The following YWHAE variants were observed in gnomAD, a reference collection of about 807,000 sequenced individuals.
YWHAE encodes 14-3-3 protein epsilon.
Under a neutral mutation model 30.1 loss-of-function variants are expected in YWHAE, and 4 were observed. The observed-to-expected ratio is 0.13, with a 90% confidence interval of 0.07 to 0.30. The LOEUF is 0.30. Among genes scored for constraint, YWHAE ranks in the 10% least tolerant of loss-of-function variants. The pLI is 1.00. For missense variants in YWHAE, 121 were observed against 315.9 expected (o/e 0.38, Z 4.68); for synonymous variants, 118 against 111.8 (o/e 1.06, Z -0.35).
At chr17:1,354,942 G>A (rs373527931) in intron 4 of YWHAE, among the ~76,000 whole-genome samples, 10 of 140,014 alleles carry the variant, frequency 7.1e-5, no homozygotes, top group East Asian at 2.2e-4. Context: ...GATTACAGGC[G>A]TGAGCCACCG....
Position 1,362,012 on chromosome 17 carries a change from A to C in YWHAE, c.265-4T>G. On this transcript the variant is annotated splice_region_variant and splice_polypyrimidine_tract_variant and intron_variant, in intron 2 of 5. Coordinates refer to ENST00000264335, the MANE Select transcript of YWHAE (RefSeq NM_006761.5). ...TTAACTTTAGCTCAGTCTCAACCTA[A>C]AAAAAAAAAAATTTTTTTTAAATCA... 1 of 1,469,540 alleles carries C rather than the reference A, an allele frequency of 6.8e-7. No individual in the cohort carries two copies. The highest frequency in any genetic ancestry group is 9.1e-7 in the Non-Finnish European group (1 of 1,098,830). 91.0% of individuals were successfully genotyped at this position (1,469,540 alleles called of 1,614,324 possible).
At chr17:1,354,942 G>C (rs373527931) in intron 4 of YWHAE, among the ~76,000 whole-genome samples, 1 of 139,978 alleles carries the variant, frequency 7.1e-6, no homozygotes, top group African/African-American at 2.6e-5. Flanking sequence ...GATTACAGGC[G>C]TGAGCCACCG....
At position 1,362,141 on chromosome 17, in the gene YWHAE, C is replaced by T. The variant is rs1476227342; in HGVS notation, c.265-133G>A. The T allele has an allele frequency of 5.4e-6, 3 of 554,202 alleles. No homozygotes were observed. The African/African-American group carries it at 5.8e-5, about 11-fold the overall frequency. The allele number at this position is 554,202 out of a possible 1,614,324, so 34.3% of individuals were successfully genotyped here. On this transcript the variant is annotated intron_variant, in intron 2 of 5. Transcript: ENST00000264335. ...TTTGTATCCCTCTCCAAACTCCCTTCTTCCTTCTTGACACAAAAGCAGAGA... is the reference window on the plus strand; with the variant it reads ...TTTGTATCCCTCTCCAAACTCCCTTTTTCCTTCTTGACACAAAAGCAGAGA...
chr17:1,384,620 T>C (rs2073272683), intron 1 of YWHAE, among the ~76,000 whole-genome samples: 1 of 152,062 alleles, frequency 6.6e-6, no homozygotes, highest in South Asian at 2.1e-4. Flanking sequence ...GTGTATTTTG[T>C]ATTTTGAGGG....
At chr17:1,370,609 T>G (rs74776107) in intron 1 of YWHAE, among the ~76,000 whole-genome samples, 13,422 of 152,120 alleles carry the variant, frequency 0.088, 940 homozygotes, top group Admixed American at 0.23. Flanking sequence ...TTTTCTATTT[T>G]TAGTAGAGAC....
intron 2 of YWHAE, 122 bp downstream of exon 2, chr17:1,364,734 CATT>C (rs775208492): frequency 4.2e-6 from 5 of 1,192,054 alleles, no homozygotes; most frequent in Non-Finnish European, 4.8e-6. Flanking sequence ...ATATCAGAAA[CATT>C]ATAACATACT....
At chr17:1,388,101 GTTTTTTTTTTTGGTTGGTTTTTTTTTTT>G (rs1408588888) in intron 1 of YWHAE, among the ~76,000 whole-genome samples, 1 of 62,358 alleles carries the variant, frequency 1.6e-5, no homozygotes, top group Admixed American at 2.2e-4. Flanking sequence ...GGTAATTTTT[GTTTTTTTTTTTGGTTGGTTTTTTTTTTT>G]TTTTTTTTTT....
intron 1 of YWHAE, among the ~76,000 whole-genome samples, chr17:1,373,727 A>G (rs963367047): frequency 1.3e-5 from 2 of 152,114 alleles, no homozygotes; most frequent in African/African-American, 4.8e-5. Context: ...AACAGAGACA[A>G]GAAGTGAGCA....
In YWHAE at chr17:1,345,013, G is replaced by C; in HGVS notation, c.*434C>G. ...CTTGCAAACACTGGTATAAAACACA[G>C]TTTAAACAATTAGAAAAATGAAAAC... On this transcript the variant is annotated 3_prime_UTR_variant, in exon 6 of 6. Transcript: ENST00000264335. 1 of 239,274 alleles carries C rather than the reference G, an allele frequency of 4.2e-6. No individual in the cohort carries two copies. 14.8% of individuals were successfully genotyped at this position (239,274 alleles called of 1,614,324 possible).
rs549003970 is a variant in YWHAE, at chr17:1,372,946, T to A, written c.65-7888A>T. ...GTGAGACCCTGTCTCCAAAAATTAA[T>A]AGTAAAAGAACACAGGCCAGGCATG... On this transcript the variant is annotated intron_variant, in intron 1 of 5. Coordinates refer to ENST00000264335, the MANE Select transcript of YWHAE (RefSeq NM_006761.5). Among the ~76,000 whole-genome samples the A allele has an allele frequency of 8.6e-5, 13 of 150,992 alleles. No homozygotes were observed. The South Asian group carries it at 2.7e-3, about 32-fold the overall frequency.
At chr17:1,355,287 G>A (rs377737798) in intron 4 of YWHAE, among the ~76,000 whole-genome samples, 2 of 149,038 alleles carry the variant, frequency 1.3e-5, no homozygotes, top group African/African-American at 4.9e-5. Flanking sequence ...CTCCCGAGTA[G>A]CCGGGACTAC....
intron 4 of YWHAE, among the ~76,000 whole-genome samples, chr17:1,357,347 G>C (rs1202688275): frequency 2.0e-5 from 3 of 148,908 alleles, no homozygotes; most frequent in African/African-American, 7.5e-5. Flanking sequence ...AGCTTGCAGT[G>C]AGCCGAGATC....
chr17:1,386,241 CAGTGAAGAA>C (rs2150872489), intron 1 of YWHAE, among the ~76,000 whole-genome samples: 1 of 152,302 alleles, frequency 6.6e-6, no homozygotes, highest in Non-Finnish European at 1.5e-5. Flanking sequence ...CACCAGTAGT[CAGTGAAGAA>C]ACACTGAGCT....
At chr17:1,370,333 A>G (rs78971562) in intron 1 of YWHAE, among the ~76,000 whole-genome samples, 83,192 of 150,902 alleles carry the variant, frequency 0.55, 23,517 homozygotes, top group African/African-American at 0.67. Flanking sequence ...GGGTTTCACC[A>G]TGTTAGCCAG....
In YWHAE at chr17:1,397,764, CAGGT is replaced by C. The variant is rs1335156411; in HGVS notation, c.64+2279_64+2282del. On this transcript the variant is annotated intron_variant, in intron 1 of 5. Coordinates refer to ENST00000264335, the MANE Select transcript of YWHAE (RefSeq NM_006761.5). ...AAGGAATGGACACAGGTAGAGGACA[CAGGT>C]AGAAATTCCTGGTTTCTGTCTCCTC... 2.0e-5 allele frequency among the ~76,000 whole-genome samples: 3 copies of C among 152,158 alleles called. No individual in the cohort carries two copies. In the East Asian group the frequency reaches 5.8e-4, roughly 29 times the overall value.
chr17:1,347,327 G>A (rs1461971810), intron 5 of YWHAE, among the ~76,000 whole-genome samples: 2 of 147,340 alleles, frequency 1.4e-5, no homozygotes, highest in Admixed American at 6.8e-5. Flanking sequence ...TCGAGACTCC[G>A]TCTCAAAAAA....
intron 1 of YWHAE, among the ~76,000 whole-genome samples, chr17:1,394,065 C>T (rs1178476327): frequency 1.3e-5 from 2 of 152,268 alleles, no homozygotes; most frequent in East Asian, 1.9e-4. Context: ...AAAGGCACCA[C>T]CTTACTTCAC....
Position 1,344,707 on chromosome 17 carries a change from G to A in YWHAE, c.*740C>T, listed in dbSNP as rs2072487672. On this transcript the variant is annotated 3_prime_UTR_variant, in exon 6 of 6. Transcript: ENST00000264335. ...AACAAAAGAGGTTGAGCGAGCGAAG[G>A]AGGGGAGGAGTGAGGGGAAGGAGGT... 1 of 232,796 alleles carries A rather than the reference G, an allele frequency of 4.3e-6. No individual in the cohort carries two copies. Among genetic ancestry groups the A allele is most frequent in the Non-Finnish European group, 8.5e-6 (1 of 117,544 alleles). The allele number at this position is 232,796 out of a possible 1,614,324, so 14.4% of individuals were successfully genotyped here.
At chr17:1,370,792 G>A (rs973409995) in intron 1 of YWHAE, among the ~76,000 whole-genome samples, 1 of 151,904 alleles carries the variant, frequency 6.6e-6, no homozygotes, top group African/African-American at 2.4e-5. Flanking sequence ...GTCAGGAGAT[G>A]GAGACCATCC....
Sources: gnomAD v4.1 joint callset for allele counts (sites outside exome capture counted in the v4.1 genomes callset) on GRCh38, gnomAD v4.1.1 for gene constraint, MANE v1.5 for transcripts, NCBI Gene and HGNC (gene_info 2026-07-23, HGNC 2026-07-21) for gene names.